The following PRRC2C variants were observed in gnomAD, a reference collection of about 807,000 sequenced individuals.
The protein encoded by PRRC2C is protein PRRC2C.
Under a neutral mutation model 317.2 loss-of-function variants are expected in PRRC2C, and 72 were observed. That is an observed-to-expected ratio of 0.23 (90% CI 0.19 to 0.28). PRRC2C has a LOEUF of 0.28. Among genes scored for constraint, PRRC2C ranks in the 10% least tolerant of loss-of-function variants. PRRC2C has a pLI of 1.00. For missense variants in PRRC2C, 3,074 were observed against 3,459.7 expected, an observed-to-expected ratio of 0.89 and a Z score of 2.80; for synonymous variants, 1,296 against 1,205.9, an observed-to-expected ratio of 1.07 and a Z score of -1.55.
In PRRC2C at chr1:171,566,580, A is replaced by G. The variant is rs747639677; in HGVS notation, c.6307-12A>G. The G allele has an allele frequency of 2.3e-5, 35 of 1,554,790 alleles. No individual in the cohort carries two copies. The Admixed American group carries it at 6.8e-4, about 30-fold the overall frequency. ...TCATAAACATAGTTTTATCATAAACATTTGACTTTAGCTTCCAGATTTGAG... is the reference window on the plus strand; with the variant it reads ...TCATAAACATAGTTTTATCATAAACGTTTGACTTTAGCTTCCAGATTTGAG... On this transcript the variant is annotated splice_polypyrimidine_tract_variant and intron_variant, in intron 21 of 34. Coordinates refer to ENST00000647382, the MANE Select transcript of PRRC2C (RefSeq NM_001387844.1).
At chr1:171,588,284 A>G in intron 32 of PRRC2C, 95 bp from the exon 33 acceptor site, 4 of 1,370,210 alleles carry the variant, frequency 2.9e-6, no homozygotes, top group Non-Finnish European at 4.1e-6. Flanking sequence ...CCAACTACCA[A>G]GTATGATGAA....
chr1:171,487,125 G>A (rs890943094), intron 1 of PRRC2C, among the ~76,000 whole-genome samples: 10 of 152,232 alleles, frequency 6.6e-5, no homozygotes, highest in Non-Finnish European at 1.2e-4. Context: ...TCTCCATTAG[G>A]TGACCTTTTG....
At position 171,558,014 on chromosome 1, in the gene PRRC2C, C is replaced by T; in HGVS notation, c.5902C>T (p.Pro1968Ser). 6.2e-7 allele frequency: 1 copy of T among 1,614,028 alleles called. No individual in the cohort carries two copies. The highest frequency in any genetic ancestry group is 8.5e-7 in the Non-Finnish European group (1 of 1,179,904). Residue 1968 changes from proline (P) to serine (S), a missense_variant, in exon 19 of 35, where the codon CCT (proline) becomes TCT (serine). This residue lies in a region of PRRC2C where 640 missense variants were observed against 676.1 expected (regional missense o/e 0.95). Coordinates refer to ENST00000647382, the MANE Select transcript of PRRC2C (RefSeq NM_001387844.1). ...AATTAGGCTGCCTTCAGCTCAAACA[C>T]CTAATGGCACAGATTATGTAGCCTC... ...PSIRLPSAQT[P>S]NGTDYVASGK... is the part of the protein sequence containing the mutation.
intron 7 of PRRC2C, 108 bp from the exon 8 acceptor site, chr1:171,523,113 G>A: frequency 1.0e-6 from 1 of 979,146 alleles, no homozygotes; most frequent in Non-Finnish European, 1.5e-6. Flanking sequence ...TAGGTATCTT[G>A]GTGTAGAAAA....
intron 21 of PRRC2C, 49 bp from the exon 22 acceptor site, chr1:171,566,543 G>C (rs1298182284): frequency 6.7e-7 from 1 of 1,500,220 alleles, no homozygotes; most frequent in African/African-American, 1.4e-5. Flanking sequence ...AATGATGAAA[G>C]ATACTCATCT....
rs779099994 is a variant in PRRC2C, at chr1:171,583,945, T to A, written c.7410-11T>A. ...ACTTCTAACAATATTTTCTCTTTAA[T>A]CCTTATGTAGATCTCAGCCAGCTTT... On this transcript the variant is annotated splice_polypyrimidine_tract_variant and intron_variant, in intron 28 of 34. Transcript: ENST00000647382. 1.2e-6 allele frequency: 2 copies of A among 1,600,772 alleles called. No homozygotes were observed. Among genetic ancestry groups the A allele is most frequent in the Admixed American group, 3.4e-5 (2 of 59,492 alleles).
chr1:171,517,157 C>A (rs1211143161), intron 5 of PRRC2C, among the ~76,000 whole-genome samples: 1 of 152,156 alleles, frequency 6.6e-6, no homozygotes, highest in Non-Finnish European at 1.5e-5. Flanking sequence ...TTGGGGGCAT[C>A]TGTAACTAAC....
chr1:171,565,745 C>T (rs554039692), intron 20 of PRRC2C, among the ~76,000 whole-genome samples: 2 of 152,104 alleles, frequency 1.3e-5, no homozygotes, highest in Non-Finnish European at 2.9e-5. Flanking sequence ...CATACCCGGC[C>T]CAAATTAACT....
intron 1 of PRRC2C, chr1:171,510,841 TTA>T (rs1671241074): frequency 1.3e-5 from 2 of 152,280 alleles, no homozygotes; most frequent in African/African-American, 4.8e-5. Flanking sequence ...GATTTAGTCT[TTA>T]TGTGTAAAAA....
chr1:171,514,270 G>C (rs1191531351), intron 3 of PRRC2C, among the ~76,000 whole-genome samples: 1 of 151,568 alleles, frequency 6.6e-6, no homozygotes. Context: ...GTATGTGTGT[G>C]TGTGTGTGTG....
At chr1:171,561,269 G>A (rs1488697002) in intron 20 of PRRC2C, among the ~76,000 whole-genome samples, 166 bp downstream of exon 20, 1 of 152,106 alleles carries the variant, frequency 6.6e-6, no homozygotes, top group Non-Finnish European at 1.5e-5. Flanking sequence ...CCTGGGCAAT[G>A]TAGGAAGACC....
chr1:171,564,239 A>G (rs1453167334), intron 20 of PRRC2C, among the ~76,000 whole-genome samples: 2 of 152,164 alleles, frequency 1.3e-5, no homozygotes, highest in Non-Finnish European at 2.9e-5. Context: ...AGTTACACCA[A>G]CTAGCCTTAC....
intron 28 of PRRC2C, among the ~76,000 whole-genome samples, chr1:171,583,746 A>G (rs537682454): frequency 4.6e-5 from 7 of 152,184 alleles, no homozygotes; most frequent in Non-Finnish European, 1.0e-4. Flanking sequence ...GTTCTATGAT[A>G]TTAGAACAGC....
chr1:171,548,212 G>A (rs939387503), intron 17 of PRRC2C, among the ~76,000 whole-genome samples: 12 of 151,882 alleles, frequency 7.9e-5, no homozygotes, highest in African/African-American at 2.4e-4. Flanking sequence ...CATGTTATCC[G>A]CCTTCCTTGG....
At position 171,540,012 on chromosome 1, in the gene PRRC2C, A is replaced by G. The variant is rs759922196; in HGVS notation, c.2546A>G (p.Tyr849Cys). 1.2e-6 allele frequency: 2 copies of G among 1,613,788 alleles called. No homozygotes were observed. Among genetic ancestry groups the G allele is most frequent in the South Asian group, 1.1e-5 (1 of 91,048 alleles). The change falls in exon 16 of 35, where the codon TAT (tyrosine) becomes TGT (cysteine). Residue 849 changes from tyrosine (Y) to cysteine (C), a missense_variant. This residue lies in a region of PRRC2C where 1,320 missense variants were observed against 1,395.7 expected (regional missense o/e 0.95). Coordinates refer to ENST00000647382, the MANE Select transcript of PRRC2C (RefSeq NM_001387844.1). ...ALDQEQITAA[Y>C]SVEHNQLEAH... ...GACCAGGAACAGATTACTGCTGCTT[A>G]TTCTGTAGAACATAATCAATTAGAG...
rs1182690242 is a variant in PRRC2C, at chr1:171,527,776, T to G, written c.1201-15T>G. On this transcript the variant is annotated splice_polypyrimidine_tract_variant and intron_variant, in intron 10 of 34. Coordinates refer to ENST00000647382, the MANE Select transcript of PRRC2C (RefSeq NM_001387844.1). ...CTCCAAAATAATAAGAATAATTCTT[T>G]CTTCTTTATAATAGGAACGTGGAAC... 5 of 1,556,470 alleles carry G rather than the reference T, an allele frequency of 3.2e-6. No homozygotes were observed. In the African/African-American group the frequency reaches 6.8e-5, roughly 21 times the overall value.
At position 171,540,995 on chromosome 1, in the gene PRRC2C, A is replaced by G; in HGVS notation, c.3529A>G (p.Arg1177Gly). The change falls in exon 16 of 35, where the codon AGA becomes GGA. Residue 1177 changes from arginine (R) to glycine (G), a missense_variant. Transcript: ENST00000647382. ...TCCCAGGACCTATTGGAAAGAAGCT[A>G]GAGAGAGAGATTGGTTTCCAGATCA... ...LPPRTYWKEA[R>G]ERDWFPDQGY... 6.2e-7 allele frequency: 1 copy of G among 1,613,596 alleles called. No individual in the cohort carries two copies. The highest frequency in any genetic ancestry group is 8.5e-7 in the Non-Finnish European group (1 of 1,179,734).
chr1:171,519,800 ATTG>A (rs1673204528), intron 6 of PRRC2C, among the ~76,000 whole-genome samples: 1 of 152,142 alleles, frequency 6.6e-6, no homozygotes, highest in South Asian at 2.1e-4. Context: ...ATTCCTTCAT[ATTG>A]TTGATTTTAT....
chr1:171,492,791 C>T (rs903099410), intron 1 of PRRC2C, among the ~76,000 whole-genome samples: 2 of 143,646 alleles, frequency 1.4e-5, no homozygotes, highest in African/African-American at 2.5e-5. Context: ...CTCTCTCTGT[C>T]GCCCAGGCTG....
Sources: gnomAD v4.1 joint callset for allele counts (sites outside exome capture counted in the v4.1 genomes callset) on GRCh38, gnomAD v4.1.1 for gene constraint, gnomAD v4.1.1 regional missense constraint, MANE v1.5 for transcripts, NCBI Gene and HGNC (gene_info 2026-07-23, HGNC 2026-07-21) for gene names.